The following FAM13A variants were observed in gnomAD, a reference collection of about 807,000 sequenced individuals.
The protein encoded by FAM13A is protein FAM13A.
FAM13A carries 76 observed loss-of-function variants against 129.6 expected under a neutral mutation model. That is an observed-to-expected ratio of 0.59 (90% CI 0.49 to 0.71). The LOEUF (loss-of-function observed/expected upper bound fraction) is 0.71. FAM13A is among the 30% of genes least tolerant of loss of function. The probability of loss-of-function intolerance (pLI) is 0.00; values close to 1 mark genes in which losing one functional copy is unlikely to be tolerated. For synonymous variants in FAM13A, 443 were observed against 449.9 expected (o/e 0.98, Z 0.20); for missense variants, 1,108 against 1,249.3 (o/e 0.89, Z 1.70).
chr4:88,737,679 C>A, intron 20 of FAM13A, 124 bp from the exon 21 acceptor site: 1 of 757,214 alleles, frequency 1.3e-6, no homozygotes, highest in South Asian at 1.6e-5. Context: ...TCCCTCCCTG[C>A]CAAACACTCC....
intron 6 of FAM13A, among the ~76,000 whole-genome samples, chr4:88,870,078 T>G (rs1452232840): frequency 6.6e-6 from 1 of 151,962 alleles, no homozygotes; most frequent in Non-Finnish European, 1.5e-5. Context: ...ACATTATTTC[T>G]CTGTGCTTCC....
At position 88,952,714 on chromosome 4, in the gene FAM13A, G is replaced by A. The variant is rs566718410; in HGVS notation, c.606-14473C>T. Among the ~76,000 whole-genome samples, 5 of 152,146 alleles carry A rather than the reference G, an allele frequency of 3.3e-5. No individual in the cohort carries two copies. The South Asian group carries it at 1.0e-3, about 32-fold the overall frequency. Reference sequence around the variant, plus strand: ...TGTAATCCCAGCACTTTGGGAGGCCGAGGTGGGTGGATCCCTTGAGGTCGG... The same window carrying A: ...TGTAATCCCAGCACTTTGGGAGGCCAAGGTGGGTGGATCCCTTGAGGTCGG... On this transcript the variant is annotated intron_variant, in intron 4 of 23. Transcript: ENST00000264344.
chr4:89,048,542 A>G (rs1210539097), intron 1 of FAM13A, among the ~76,000 whole-genome samples: 1 of 152,198 alleles, frequency 6.6e-6, no homozygotes, highest in Admixed American at 6.5e-5. Context: ...AAAAGTCATT[A>G]AACTGTACAG....
intron 4 of FAM13A, among the ~76,000 whole-genome samples, chr4:88,978,748 C>A (rs926520080): frequency 6.6e-6 from 1 of 152,006 alleles, no homozygotes; most frequent in Admixed American, 6.6e-5. Context: ...GAGCCGAGAT[C>A]CGGCCACTGC....
At chr4:88,877,865 G>GCC (rs1486552121) in intron 6 of FAM13A, among the ~76,000 whole-genome samples, 1 of 152,092 alleles carries the variant, frequency 6.6e-6, no homozygotes, top group Non-Finnish European at 1.5e-5. Context: ...CCTTAACAAG[G>GCC]CCCCTCGCAG....
chr4:88,764,958 G>C (rs1465996458), intron 13 of FAM13A, among the ~76,000 whole-genome samples: 1 of 152,154 alleles, frequency 6.6e-6, no homozygotes, highest in Admixed American at 6.5e-5. Flanking sequence ...GACAATATTA[G>C]TTGCATAATT....
chr4:88,980,323 G>A (rs1761491466), intron 4 of FAM13A, among the ~76,000 whole-genome samples: 1 of 152,110 alleles, frequency 6.6e-6, no homozygotes, highest in African/African-American at 2.4e-5. Context: ...ACTGTGGGGG[G>A]TTTTGTTTGA....
intron 4 of FAM13A, among the ~76,000 whole-genome samples, chr4:88,966,643 A>G (rs2609266): frequency 0.099 from 15,129 of 152,186 alleles, 802 homozygotes; most frequent in Middle Eastern, 0.14. Flanking sequence ...CCCGGCAGTC[A>G]GTTACAATGG....
chr4:88,985,717 T>C (rs1050014526), intron 4 of FAM13A, among the ~76,000 whole-genome samples: 2 of 152,098 alleles, frequency 1.3e-5, no homozygotes, highest in African/African-American at 4.8e-5. Context: ...GTGATACATA[T>C]GCACAAGTTT....
At chr4:88,819,350 A>G (rs1337237377) in intron 7 of FAM13A, among the ~76,000 whole-genome samples, 1 of 152,226 alleles carries the variant, frequency 6.6e-6, no homozygotes, top group Non-Finnish European at 1.5e-5. Flanking sequence ...TGCCATCATT[A>G]TTCCTTGTGG....
At chr4:88,866,597 C>A (rs1343428357) in intron 6 of FAM13A, among the ~76,000 whole-genome samples, 1 of 152,032 alleles carries the variant, frequency 6.6e-6, no homozygotes, top group Admixed American at 6.5e-5. Flanking sequence ...TTCAAATATG[C>A]ACAGTCCAGA....
intron 3 of FAM13A, among the ~76,000 whole-genome samples, chr4:88,992,631 C>G (rs1763055644): frequency 6.6e-6 from 1 of 152,122 alleles, no homozygotes; most frequent in Non-Finnish European, 1.5e-5. Context: ...GCATACACCC[C>G]AAAATGTCTA....
intron 3 of FAM13A, among the ~76,000 whole-genome samples, chr4:89,001,464 A>G (rs1764234260): frequency 6.6e-6 from 1 of 152,186 alleles, no homozygotes; most frequent in Non-Finnish European, 1.5e-5. Flanking sequence ...CTGAAAATGG[A>G]AAGGTTAAAT....
chr4:89,014,030 ACTCC>A lies in FAM13A; in HGVS notation c.427+6426_427+6429del, dbSNP rs144174098. ...TGCAATAGTGTCCTGCTCAGGGTTG[ACTCC>A]CTCCTTGTGCCTGAGCTGCTGGGGT... On this transcript the variant is annotated intron_variant, in intron 3 of 23. Coordinates refer to ENST00000264344, the MANE Select transcript of FAM13A (RefSeq NM_014883.4). Among the ~76,000 whole-genome samples the A allele has an allele frequency of 3.3e-5, 5 of 151,838 alleles. No individual in the cohort carries two copies. In the East Asian group the frequency reaches 9.7e-4, roughly 29 times the overall value.
rs368002011 is a variant in FAM13A at position 88,728,518 on chromosome 4, G to A, written c.*15C>T. 3.9e-5 allele frequency: 63 copies of A among 1,613,840 alleles called. No homozygotes were observed. The highest frequency in any genetic ancestry group is 5.2e-5 in the Non-Finnish European group (61 of 1,179,974). Reference sequence around the variant, plus strand: ...CTCACCGCAGCTGCCAGCCCCCTGTGCTTGGCCATGCCCCTCACATGGACT... The same window carrying A: ...CTCACCGCAGCTGCCAGCCCCCTGTACTTGGCCATGCCCCTCACATGGACT... On this transcript the variant is annotated 3_prime_UTR_variant, in exon 24 of 24. Coordinates refer to ENST00000264344, the MANE Select transcript of FAM13A (RefSeq NM_014883.4).
chr4:88,728,510 C>G lies in FAM13A; in HGVS notation c.*23G>C. 1 of 1,613,536 alleles carries G rather than the reference C, an allele frequency of 6.2e-7. No individual in the cohort carries two copies. The highest frequency in any genetic ancestry group is 8.5e-7 in the Non-Finnish European group (1 of 1,179,790). On this transcript the variant is annotated 3_prime_UTR_variant, in exon 24 of 24. Coordinates refer to ENST00000264344, the MANE Select transcript of FAM13A (RefSeq NM_014883.4). ...AGTAAACTCTCACCGCAGCTGCCAG[C>G]CCCCTGTGCTTGGCCATGCCCCTCA...
chr4:89,013,344 A>AT (rs55872359), intron 3 of FAM13A, among the ~76,000 whole-genome samples: 2 of 150,362 alleles, frequency 1.3e-5, no homozygotes, highest in African/African-American at 2.4e-5. Context: ...ACATATATAT[A>AT]AAATGTATAA....
chr4:88,776,869 G>C (rs189973644), intron 11 of FAM13A, among the ~76,000 whole-genome samples: 84 of 152,242 alleles, frequency 5.5e-4, no homozygotes, highest in Non-Finnish European at 9.0e-4. Flanking sequence ...AGCTACTCAG[G>C]AGGCTGAGGC....
chr4:88,768,034 C>G lies in FAM13A; in HGVS notation c.1484G>C (p.Arg495Pro). ...ATCAGGTCCAGTTCTCTCATGAGAT[C>G]GTGTGGAATTGAGACTTTCCATATT... ...LVNMESLNST[R>P]SHERTGPDDF... is the part of the protein sequence containing the mutation. The change falls in exon 12 of 24, where the codon CGA becomes CCA. Residue 495 changes from arginine (R) to proline (P), a missense_variant. By Grantham distance (103) the Arg-to-Pro change is moderately radical. This residue lies in a region of FAM13A where 566 missense variants were observed against 595.7 expected (regional missense o/e 0.95). Coordinates refer to ENST00000264344, the MANE Select transcript of FAM13A (RefSeq NM_014883.4). The G allele has an allele frequency of 6.2e-7, 1 of 1,608,318 alleles. No homozygotes were observed. Among genetic ancestry groups the G allele is most frequent in the South Asian group, 1.1e-5 (1 of 90,822 alleles).
Sources: allele counts gnomAD v4.1 joint callset (sites outside exome capture counted in the v4.1 genomes callset), GRCh38; gene constraint gnomAD v4.1.1; regional missense constraint gnomAD v4.1.1; transcripts MANE v1.5; gene names NCBI Gene and HGNC (gene_info 2026-07-23, HGNC 2026-07-21).